DDC: variants seen among roughly 807,000 people sequenced by gnomAD.
The protein encoded by DDC is dopa decarboxylase, also known as aromatic-L-amino-acid decarboxylase.
DDC carries 43 observed loss-of-function variants against 60.0 expected under a neutral mutation model. The ratio of observed to expected loss-of-function variants is 0.72; its 90% CI spans 0.56 to 0.92. The LOEUF is 0.92. Among genes scored for constraint, DDC ranks in the 40% least tolerant of loss-of-function variants. DDC has a pLI of 0.00. For missense variants in DDC, 573 were observed against 620.2 expected (o/e 0.92, Z 0.81); for synonymous variants, 232 against 234.6 (o/e 0.99, Z 0.10).
chr7:50,510,047 T>G (rs963662479), intron 6 of DDC, among the ~76,000 whole-genome samples: 13 of 152,064 alleles, frequency 8.5e-5, no homozygotes, highest in African/African-American at 3.1e-4. Flanking sequence ...CTCAGCTCAC[T>G]GCAAGCTCCG....
chr7:50,556,024 C>T (rs1392471280), intron 1 of DDC, among the ~76,000 whole-genome samples: 1 of 152,162 alleles, frequency 6.6e-6, no homozygotes, highest in Admixed American at 6.5e-5. Context: ...GGAATGATTT[C>T]CCGAATGCCT....
At chr7:50,460,056 T>TGG (rs1318436052) in intron 14 of DDC, among the ~76,000 whole-genome samples, 1 of 82,044 alleles carries the variant, frequency 1.2e-5, no homozygotes, top group African/African-American at 5.2e-5. Context: ...GGGAAGGAGG[T>TGG]GGGGGGGGTC....
intron 1 of DDC, among the ~76,000 whole-genome samples, chr7:50,560,503 G>C (rs2045318534): frequency 6.6e-6 from 1 of 152,120 alleles, no homozygotes; most frequent in African/African-American, 2.4e-5. Flanking sequence ...ATCTGGGGGA[G>C]GATGCTGTTA....
chr7:50,538,907 G>A (rs2044509028), intron 3 of DDC, among the ~76,000 whole-genome samples: 1 of 152,002 alleles, frequency 6.6e-6, no homozygotes, highest in East Asian at 2.0e-4. Flanking sequence ...CCAGTGCCTG[G>A]CAGAGGAGCA....
chr7:50,461,374 G>A (rs367761502), intron 14 of DDC, among the ~76,000 whole-genome samples: 2 of 152,068 alleles, frequency 1.3e-5, no homozygotes, highest in Non-Finnish European at 2.9e-5. Context: ...AAGATATTAA[G>A]ATTTTTATTG....
At chr7:50,464,370 G>A (rs181368160) in intron 13 of DDC, among the ~76,000 whole-genome samples, 13 of 152,230 alleles carry the variant, frequency 8.5e-5, no homozygotes, top group African/African-American at 2.9e-4. Context: ...GGGCCTGAGT[G>A]CCCTGCTCCT....
chr7:50,463,541 G>A, intron 13 of DDC, 110 bp from the exon 14 acceptor site: 1 of 906,826 alleles, frequency 1.1e-6, no homozygotes, highest in South Asian at 1.4e-5. Flanking sequence ...TCAGGAAGAA[G>A]CCGACTAACC....
intron 6 of DDC, among the ~76,000 whole-genome samples, chr7:50,511,949 C>G (rs1014257480): frequency 5.3e-5 from 8 of 151,970 alleles, no homozygotes; most frequent in Admixed American, 1.3e-4. Flanking sequence ...TCTAAATGCA[C>G]TAATTGAAAA....
intron 4 of DDC, among the ~76,000 whole-genome samples, chr7:50,532,149 C>A: frequency 6.6e-6 from 1 of 152,194 alleles, no homozygotes; most frequent in East Asian, 1.9e-4. Flanking sequence ...GGCTGGCTCA[C>A]AGGCTGTCAC....
intron 9 of DDC, among the ~76,000 whole-genome samples, chr7:50,491,421 G>A (rs533388342): frequency 4.5e-4 from 69 of 152,198 alleles, no homozygotes; most frequent in African/African-American, 1.6e-3. Context: ...CGTGGGACCT[G>A]TCTAGAAATA....
At chr7:50,550,089 T>C (rs368630556) in intron 1 of DDC, among the ~76,000 whole-genome samples, 24 of 152,346 alleles carry the variant, frequency 1.6e-4, no homozygotes, top group African/African-American at 5.8e-4. Context: ...CATCACATGC[T>C]ACAGAGGCAT....
intron 4 of DDC, among the ~76,000 whole-genome samples, chr7:50,536,156 C>G (rs2044402967): frequency 6.6e-6 from 1 of 152,180 alleles, no homozygotes. Context: ...ACCCCTCTGC[C>G]CACTGAGATA....
intron 6 of DDC, among the ~76,000 whole-genome samples, chr7:50,511,411 A>G (rs1396131766): frequency 6.6e-6 from 1 of 152,052 alleles, no homozygotes; most frequent in Non-Finnish European, 1.5e-5. Flanking sequence ...CATGCTTGTA[A>G]CCCCAACACT....
At position 50,478,915 on chromosome 7, in the gene DDC, G is replaced by A. The variant is rs1015252653; in HGVS notation, c.1021+872C>T. 3.3e-5 allele frequency among the ~76,000 whole-genome samples: 5 copies of A among 152,154 alleles called. No homozygotes were observed. The South Asian group carries it at 1.0e-3, about 32-fold the overall frequency. On this transcript the variant is annotated intron_variant, in intron 10 of 14. Transcript: ENST00000444124. ...GATTACAGGAATTTTCTGGCCCAGC[G>A]TTGACTCTATTTTCCAAATGTACAT...
chr7:50,492,038 G>T (rs1199949229), intron 9 of DDC, among the ~76,000 whole-genome samples: 1 of 152,094 alleles, frequency 6.6e-6, no homozygotes, highest in Non-Finnish European at 1.5e-5. Flanking sequence ...TATAAGAAGA[G>T]AAAATTTGGA....
At chr7:50,480,462 TG>T in intron 9 of DDC, among the ~76,000 whole-genome samples, 1 of 152,218 alleles carries the variant, frequency 6.6e-6, no homozygotes, top group Non-Finnish European at 1.5e-5. Flanking sequence ...AGTAAGTTAC[TG>T]AACCTGGGGC....
chr7:50,508,089 C>A (rs1269264522), intron 6 of DDC, among the ~76,000 whole-genome samples: 2 of 152,222 alleles, frequency 1.3e-5, no homozygotes, highest in Non-Finnish European at 1.5e-5. Context: ...CTGGGCCATG[C>A]CAGAGGCCCC....
chr7:50,495,679 T>C (rs752454469), intron 8 of DDC, among the ~76,000 whole-genome samples: 3 of 152,194 alleles, frequency 2.0e-5, no homozygotes, highest in Non-Finnish European at 2.9e-5. Flanking sequence ...TGTTTTGCTA[T>C]ATCTAGATTA....
At chr7:50,486,260 G>T (rs1328664927) in intron 9 of DDC, among the ~76,000 whole-genome samples, 2 of 152,182 alleles carry the variant, frequency 1.3e-5, no homozygotes, top group Non-Finnish European at 2.9e-5. Flanking sequence ...TTTGTAAAAC[G>T]TATGTTGCTT....
Sources: gnomAD v4.1 joint callset for allele counts (sites outside exome capture counted in the v4.1 genomes callset) on GRCh38, gnomAD v4.1.1 for gene constraint, MANE v1.5 for transcripts, NCBI Gene and HGNC (gene_info 2026-07-23, HGNC 2026-07-21) for gene names.